GSPT1: variants seen among roughly 807,000 people sequenced by gnomAD.
The protein encoded by GSPT1 is eukaryotic peptide chain release factor GTP-binding subunit ERF3A.
GSPT1 carries 20 observed loss-of-function variants against 72.5 expected under a neutral mutation model. That is an observed-to-expected ratio of 0.28 (90% CI 0.19 to 0.40). The LOEUF is 0.40. Among genes scored for constraint, GSPT1 ranks in the 10% least tolerant of loss-of-function variants. The probability of loss-of-function intolerance (pLI) is 1.00; values close to 1 mark genes in which losing one functional copy is unlikely to be tolerated. For synonymous variants in GSPT1, 334 were observed against 293.5 expected (o/e 1.14, Z -1.41); for missense variants, 580 against 811.9 (o/e 0.71, Z 3.47).
At position 11,915,789 on chromosome 16, in the gene GSPT1, G is replaced by C. The variant is rs772243078; in HGVS notation, c.-69C>G. ...GAGGCAGGGGCGCCCGGCCGGAGAG[G>C]AGTGGGCAACGCTGACTGAGGGAAG... is the stretch of plus-strand genomic sequence containing the variant. On this transcript the variant is annotated 5_prime_UTR_variant, in exon 1 of 15. Transcript: ENST00000434724. The C allele has an allele frequency of 4.4e-6, 7 of 1,580,004 alleles. No individual in the cohort carries two copies. The highest frequency in any genetic ancestry group is 4.4e-5 in the South Asian group (4 of 90,586).
chr16:11,876,040 ATAAAACAGTAT>A (rs753362977), intron 13 of GSPT1, 35 bp downstream of exon 13: 16 of 1,465,494 alleles, frequency 1.1e-5, no homozygotes, highest in African/African-American at 6.9e-5. Context: ...AATTATGAAG[ATAAAACAGTAT>A]TAAAACAGAA....
intron 1 of GSPT1, 101 bp downstream of exon 1, chr16:11,915,268 G>C (rs2054617132): frequency 3.3e-6 from 4 of 1,202,832 alleles, no homozygotes; most frequent in South Asian, 7.4e-5. Context: ...AGCGCCCCAC[G>C]TGCCGACCGG....
chr16:11,884,542 C>A (rs892860943), intron 10 of GSPT1, among the ~76,000 whole-genome samples: 2 of 151,350 alleles, frequency 1.3e-5, no homozygotes, highest in Admixed American at 1.3e-4. Flanking sequence ...GGCGGATCAC[C>A]TGAGGTTAGG....
chr16:11,901,383 A>T (rs1210556095), intron 1 of GSPT1, among the ~76,000 whole-genome samples: 1 of 152,162 alleles, frequency 6.6e-6, no homozygotes, highest in Admixed American at 6.6e-5. Flanking sequence ...CACAGCTGCT[A>T]GTAAAGGAAG....
intron 14 of GSPT1, among the ~76,000 whole-genome samples, chr16:11,874,276 T>C (rs542339970): frequency 7.3e-4 from 111 of 152,118 alleles, no homozygotes; most frequent in Admixed American, 2.1e-3. Context: ...ATGGAAATTG[T>C]ATCTCAATAA....
intron 1 of GSPT1, among the ~76,000 whole-genome samples, chr16:11,899,830 G>A (rs955021653): frequency 6.6e-6 from 1 of 152,094 alleles, no homozygotes; most frequent in Non-Finnish European, 1.5e-5. Flanking sequence ...TGACTCCTAG[G>A]TTTAACTCCT....
chr16:11,876,554 C>A (rs1253273018), intron 12 of GSPT1, among the ~76,000 whole-genome samples: 1 of 152,126 alleles, frequency 6.6e-6, no homozygotes, highest in Non-Finnish European at 1.5e-5. Flanking sequence ...CCAGCCTGGA[C>A]AACATGGTGA....
chr16:11,880,587 G>A (rs935143222), intron 11 of GSPT1, among the ~76,000 whole-genome samples: 10 of 152,174 alleles, frequency 6.6e-5, no homozygotes, highest in African/African-American at 2.2e-4. Flanking sequence ...CAGCTTTTCC[G>A]AAAGTGCAGG....
chr16:11,912,740 A>G (rs746003343), intron 1 of GSPT1, among the ~76,000 whole-genome samples: 2 of 152,240 alleles, frequency 1.3e-5, no homozygotes, highest in Non-Finnish European at 2.9e-5. Flanking sequence ...TCTAATATAC[A>G]TTAAGCCTTG....
intron 7 of GSPT1, 69 bp from the exon 8 acceptor site, chr16:11,887,000 T>C: frequency 8.5e-7 from 1 of 1,180,432 alleles, no homozygotes; most frequent in Non-Finnish European, 1.2e-6. Flanking sequence ...TAAAACATCT[T>C]TCCTTTCAGT....
Position 11,915,634 on chromosome 16 carries a change from G to C in GSPT1, c.87C>G (p.Asp29Glu). 1 of 1,488,966 alleles carries C rather than the reference G, an allele frequency of 6.7e-7. No homozygotes were observed. Among genetic ancestry groups the C allele is most frequent in the Non-Finnish European group, 8.9e-7 (1 of 1,123,104 alleles). 92.2% of individuals were successfully genotyped at this position (1,488,966 alleles called of 1,614,324 possible). A position where few individuals can be genotyped will look rare whatever the true frequency, so the allele number is the denominator to read the frequency against. Residue 29 changes from aspartate to glutamate, a missense_variant, in exon 1 of 15, where the codon GAC becomes GAG. Physicochemically the swap from Asp to Glu is conservative, Grantham distance 45. This residue lies in a region of GSPT1 where 327 missense variants were observed against 298.8 expected (regional missense o/e 1.09). Coordinates refer to ENST00000434724, the MANE Select transcript of GSPT1 (RefSeq NM_002094.4). ...SGSSSSDSAPDCWDQADMEAP... is the reference protein window; with the variant it reads ...SGSSSSDSAPECWDQADMEAP... ...CTTCCATGTCCGCCTGGTCCCAGCA[G>C]TCAGGCGCCGAGTCGCTGCTGCTGC...
Position 11,915,712 on chromosome 16 carries a change from C to T in GSPT1, c.9G>A (p.Pro3=), listed in dbSNP as rs931679928. The change falls in exon 1 of 15, where the codon CCG becomes CCA. Residue 3 remains proline (P), a synonymous_variant. Transcript: ENST00000434724. ...CGCCGCCGCCGCCGCCGCCACTGCC[C>T]GGATCCATGATCGGGGGGGCCGTGT... MD[P]GSGGGGGGGG... 2.0e-6 allele frequency: 3 copies of T among 1,510,260 alleles called. No homozygotes were observed. Among genetic ancestry groups the T allele is most frequent in the Non-Finnish European group, 2.6e-6 (3 of 1,137,296 alleles). 93.6% of individuals were successfully genotyped at this position (1,510,260 alleles called of 1,614,324 possible). A position where few individuals can be genotyped will look rare whatever the true frequency, so the allele number is the denominator to read the frequency against.
At chr16:11,887,894 G>A (rs2054203650) in intron 6 of GSPT1, 144 bp from the exon 7 acceptor site, 11 of 662,968 alleles carry the variant, frequency 1.7e-5, no homozygotes, top group Middle Eastern at 3.4e-4. Context: ...GCCGGGTGCG[G>A]TGGCTCACAT....
chr16:11,904,908 G>A (rs1190759965), intron 1 of GSPT1, among the ~76,000 whole-genome samples: 2 of 152,124 alleles, frequency 1.3e-5, no homozygotes, highest in African/African-American at 4.8e-5. Flanking sequence ...AACACAAGGA[G>A]ACTTCGTCCT....
intron 11 of GSPT1, chr16:11,880,381 T>C (rs1353594203): frequency 1.3e-5 from 2 of 152,224 alleles, no homozygotes; most frequent in East Asian, 3.8e-4. Flanking sequence ...GTTTAATTTT[T>C]TGAGGAACTG....
rs778763144 is a variant in GSPT1 at position 11,915,440 on chromosome 16, G to A, written c.281C>T (p.Ala94Val). 1 of 1,527,804 alleles carries A rather than the reference G, an allele frequency of 6.5e-7. No individual in the cohort carries two copies. Among genetic ancestry groups the A allele is most frequent in the South Asian group, 1.2e-5 (1 of 82,212 alleles). 94.6% of individuals were successfully genotyped at this position (1,527,804 alleles called of 1,614,324 possible). ...EFVPSFLRGP[A>V]APPPPVGGAA... ...GCCGCCAACTGGGGGTGGCGGCGCTGCCGGGCCCCGCAGGAAGGACGGCAC... is the reference window on the plus strand; with the variant it reads ...GCCGCCAACTGGGGGTGGCGGCGCTACCGGGCCCCGCAGGAAGGACGGCAC... Residue 94 changes from alanine to valine, a missense_variant, in exon 1 of 15, where the codon GCA becomes GTA. This residue lies in a region of GSPT1 where 327 missense variants were observed against 298.8 expected (regional missense o/e 1.09). Transcript: ENST00000434724.
intron 5 of GSPT1, among the ~76,000 whole-genome samples, chr16:11,892,646 G>A (rs965715082): frequency 2.7e-5 from 4 of 150,788 alleles, no homozygotes; most frequent in Admixed American, 2.0e-4. Context: ...GACCAACATG[G>A]TGAAACCTCA....
At chr16:11,895,775 T>C (rs532898341) in intron 4 of GSPT1, among the ~76,000 whole-genome samples, 1 of 152,160 alleles carries the variant, frequency 6.6e-6, no homozygotes, top group African/African-American at 2.4e-5. Context: ...TACAGGCTCA[T>C]GCCACCACAC....
intron 14 of GSPT1, 29 bp downstream of exon 14, chr16:11,875,732 C>T (rs913949538): frequency 1.6e-5 from 25 of 1,546,118 alleles, no homozygotes; most frequent in Non-Finnish European, 2.1e-5. Context: ...CCTGGATATA[C>T]TACTAGACGT....
Sources: gnomAD v4.1 joint callset for allele counts (sites outside exome capture counted in the v4.1 genomes callset) on GRCh38, gnomAD v4.1.1 for gene constraint, gnomAD v4.1.1 regional missense constraint, MANE v1.5 for transcripts, NCBI Gene and HGNC (gene_info 2026-07-23, HGNC 2026-07-21) for gene names.